FYN: variants seen among roughly 807,000 people sequenced by gnomAD.
FYN encodes the protein tyrosine-protein kinase Fyn.
Under a neutral mutation model 70.2 loss-of-function variants are expected in FYN, and 10 were observed. That is an observed-to-expected ratio of 0.14 (90% CI 0.09 to 0.24). FYN has a LOEUF of 0.24. FYN is among the 10% of genes least tolerant of loss of function. FYN has a pLI of 1.00. For synonymous variants in FYN, 236 were observed against 248.6 expected (o/e 0.95, Z 0.48); for missense variants, 319 against 673.1 (o/e 0.47, Z 5.82).
intron 3 of FYN, among the ~76,000 whole-genome samples, chr6:111,740,491 T>C (rs541924461): frequency 2.0e-5 from 3 of 152,158 alleles, no homozygotes; most frequent in South Asian, 2.1e-4. Flanking sequence ...GGTAGAAACA[T>C]AACTACTTTC....
intron 2 of FYN, among the ~76,000 whole-genome samples, chr6:111,800,096 G>C (rs931389914): frequency 6.6e-6 from 1 of 152,170 alleles, no homozygotes; most frequent in Non-Finnish European, 1.5e-5. Context: ...GTGGGTATGA[G>C]TCACTTTGTG....
At chr6:111,782,789 T>C (rs1771223591) in intron 2 of FYN, among the ~76,000 whole-genome samples, 1 of 152,194 alleles carries the variant, frequency 6.6e-6, no homozygotes, top group Non-Finnish European at 1.5e-5. Context: ...TGGTGATCCA[T>C]GCTGGTGAGG....
intron 2 of FYN, among the ~76,000 whole-genome samples, chr6:111,799,002 A>G (rs541575717): frequency 5.1e-4 from 78 of 152,352 alleles, no homozygotes; most frequent in Non-Finnish European, 1.0e-3. Flanking sequence ...AACCACAGCC[A>G]AAAGTAAAGT....
intron 1 of FYN, among the ~76,000 whole-genome samples, chr6:111,857,619 A>G (rs1209206255): frequency 1.3e-5 from 2 of 152,214 alleles, no homozygotes; most frequent in African/African-American, 4.8e-5. Context: ...ACTACCTAAC[A>G]ATATAAAAAG....
At chr6:111,784,057 T>G (rs1328914491) in intron 2 of FYN, among the ~76,000 whole-genome samples, 1 of 152,214 alleles carries the variant, frequency 6.6e-6, no homozygotes, top group Admixed American at 6.5e-5. Context: ...AATGTTTTTC[T>G]GGGAGCTTCT....
chr6:111,707,587 GGGCTTAGAAAC>G (rs1800155408), intron 6 of FYN, among the ~76,000 whole-genome samples: 3 of 152,148 alleles, frequency 2.0e-5, no homozygotes, highest in African/African-American at 7.2e-5. Flanking sequence ...AGTGGACTGC[GGGCTTAGAAAC>G]TTGGGTTGGC....
At chr6:111,765,447 A>G (rs879751177) in intron 3 of FYN, among the ~76,000 whole-genome samples, 30 of 152,106 alleles carry the variant, frequency 2.0e-4, no homozygotes, top group Non-Finnish European at 4.0e-4. Context: ...ACGAGGAGGG[A>G]GGCTCACCAG....
intron 2 of FYN, among the ~76,000 whole-genome samples, chr6:111,817,364 A>T (rs1324438714): frequency 6.6e-6 from 1 of 152,174 alleles, no homozygotes; most frequent in Admixed American, 6.5e-5. Flanking sequence ...AATTTAAGAC[A>T]ATTTCTTTCC....
At chr6:111,804,846 G>A (rs1461589214) in intron 2 of FYN, among the ~76,000 whole-genome samples, 1 of 152,194 alleles carries the variant, frequency 6.6e-6, no homozygotes, top group Admixed American at 6.5e-5. Context: ...GAGGACTTCA[G>A]AAACCCTGAT....
chr6:111,729,567 T>C (rs1801352386), intron 3 of FYN, among the ~76,000 whole-genome samples: 1 of 152,088 alleles, frequency 6.6e-6, no homozygotes, highest in Non-Finnish European at 1.5e-5. Context: ...ATGAAGAGGT[T>C]CTATGAAGTA....
chr6:111,839,586 G>A (rs974841833), intron 2 of FYN, among the ~76,000 whole-genome samples: 1 of 152,062 alleles, frequency 6.6e-6, no homozygotes, highest in African/African-American at 2.4e-5. Flanking sequence ...TGTAAGTACC[G>A]TGTTCATGTC....
chr6:111,846,243 C>T (rs936235671), intron 2 of FYN, among the ~76,000 whole-genome samples: 5 of 152,230 alleles, frequency 3.3e-5, no homozygotes, highest in African/African-American at 4.8e-5. Context: ...AGGATAGGCG[C>T]TCCCCATTCC....
At chr6:111,836,874 C>A (rs1773203899) in intron 2 of FYN, among the ~76,000 whole-genome samples, 1 of 152,184 alleles carries the variant, frequency 6.6e-6, no homozygotes, top group Admixed American at 6.5e-5. Flanking sequence ...TGTTATTAAA[C>A]AGTATCATCT....
intron 3 of FYN, among the ~76,000 whole-genome samples, chr6:111,755,401 C>T (rs956922118): frequency 6.6e-6 from 1 of 152,050 alleles, no homozygotes; most frequent in Non-Finnish European, 1.5e-5. Context: ...AGCAAATCAT[C>T]AGAATTTTAA....
chr6:111,838,333 A>G (rs1290875742), intron 2 of FYN, among the ~76,000 whole-genome samples: 1 of 152,208 alleles, frequency 6.6e-6, no homozygotes, highest in African/African-American at 2.4e-5. Flanking sequence ...GTACTGCTCC[A>G]TCTCAGGGCA....
intron 13 of FYN, among the ~76,000 whole-genome samples, chr6:111,672,394 A>G (rs113743782): frequency 7.2e-5 from 11 of 152,306 alleles, no homozygotes; most frequent in African/African-American, 2.4e-4. Context: ...CGCTGGAGTT[A>G]GTTCTCACTT....
Position 111,841,318 on chromosome 6 carries a change from A to G in FYN, c.-82+5271T>C, listed in dbSNP as rs949456713. ...CATTACTACTTTTAAAACCACAAAT[A>G]AGGGAGAAAGACCTTTTAAATTCAG... On this transcript the variant is annotated intron_variant, in intron 2 of 13. Coordinates refer to ENST00000354650, the MANE Select transcript of FYN (RefSeq NM_002037.5). Among the ~76,000 whole-genome samples the G allele has an allele frequency of 6.0e-4, 91 of 152,220 alleles. 2 individuals are homozygous for G. The highest frequency in any genetic ancestry group is 1.8e-4 in the Non-Finnish European group (12 of 68,026).
chr6:111,701,683 C>T (rs1360096126), intron 8 of FYN, among the ~76,000 whole-genome samples: 1 of 152,118 alleles, frequency 6.6e-6, no homozygotes, highest in African/African-American at 2.4e-5. Flanking sequence ...CCTGGGGATC[C>T]TGCTGATGTT....
intron 13 of FYN, among the ~76,000 whole-genome samples, chr6:111,666,034 C>A (rs1797992494): frequency 7.5e-6 from 1 of 132,502 alleles, no homozygotes; most frequent in African/African-American, 2.9e-5. Flanking sequence ...CAGAGTCTCG[C>A]TCTGTTGCCC....
Sources: gnomAD v4.1 joint callset for allele counts (sites outside exome capture counted in the v4.1 genomes callset) on GRCh38, gnomAD v4.1.1 for gene constraint, MANE v1.5 for transcripts, NCBI Gene and HGNC (gene_info 2026-07-23, HGNC 2026-07-21) for gene names.